The following COG5 variants were observed in gnomAD, a reference collection of about 807,000 sequenced individuals.
COG5 encodes conserved oligomeric Golgi complex subunit 5.
Under a neutral mutation model 110.4 loss-of-function variants are expected in COG5, and 86 were observed. The observed-to-expected ratio is 0.78, with a 90% CI of 0.65 to 0.93. The LOEUF (loss-of-function observed/expected upper bound fraction) is 0.93. Ranked by LOEUF, COG5 falls within the 40% of genes least tolerant of loss-of-function variation. The pLI, the probability that COG5 is intolerant of heterozygous loss-of-function variation, is 0.00. For synonymous variants in COG5, 360 were observed against 334.6 expected (o/e 1.08, Z -0.83); for missense variants, 1,077 against 987.0 (o/e 1.09, Z -1.22).
chr7:107,280,373 C>T (rs966731982), intron 14 of COG5, among the ~76,000 whole-genome samples: 5 of 152,034 alleles, frequency 3.3e-5, no homozygotes, highest in Admixed American at 3.3e-4. Context: ...TGACTGTTAC[C>T]TCCAAGGATC....
At chr7:107,352,830 A>T (rs537287919) in intron 10 of COG5, among the ~76,000 whole-genome samples, 34 of 152,324 alleles carry the variant, frequency 2.2e-4, no homozygotes, top group African/African-American at 7.9e-4. Context: ...TAATGATAAA[A>T]ACTTCTGGCT....
At chr7:107,383,491 T>C (rs1292465660) in intron 7 of COG5, among the ~76,000 whole-genome samples, 1 of 152,188 alleles carries the variant, frequency 6.6e-6, no homozygotes, top group Admixed American at 6.5e-5. Context: ...TTACTGACAG[T>C]AGGTGCTAGA....
intron 6 of COG5, among the ~76,000 whole-genome samples, chr7:107,523,140 G>C (rs1173033512): frequency 2.0e-5 from 3 of 152,148 alleles, no homozygotes; most frequent in African/African-American, 7.2e-5. Flanking sequence ...TCTTCCAACT[G>C]ATGAACAACA....
chr7:107,421,392 A>G (rs1245406798), intron 6 of COG5, among the ~76,000 whole-genome samples: 1 of 152,208 alleles, frequency 6.6e-6, no homozygotes, highest in African/African-American at 2.4e-5. Context: ...CCAAGCAAAA[A>G]CAATACAAAT....
intron 18 of COG5, among the ~76,000 whole-genome samples, chr7:107,233,630 C>T (rs988369440): frequency 1.3e-5 from 2 of 152,136 alleles, no homozygotes; most frequent in Non-Finnish European, 2.9e-5. Flanking sequence ...GTTATTTATG[C>T]TAGAATGGCA....
intron 7 of COG5, among the ~76,000 whole-genome samples, chr7:107,406,624 T>C (rs1285208286): frequency 6.6e-6 from 1 of 152,042 alleles, no homozygotes; most frequent in Non-Finnish European, 1.5e-5. Context: ...ACTTTAAATA[T>C]AAGAGAATTA....
chr7:107,211,009 G>T, intron 20 of COG5, 90 bp downstream of exon 20: 1 of 1,438,582 alleles, frequency 7.0e-7, no homozygotes, highest in Non-Finnish European at 9.7e-7. Flanking sequence ...GCAGCAGAGG[G>T]CCAGGAATCA....
chr7:107,209,834 C>A, intron 21 of COG5: 1 of 985,428 alleles, frequency 1.0e-6, no homozygotes, highest in Non-Finnish European at 1.2e-6. Context: ...AAGGAAATGG[C>A]GGTCAACTGT....
chr7:107,387,171 G>C (rs1436651628), intron 7 of COG5, among the ~76,000 whole-genome samples: 1 of 152,162 alleles, frequency 6.6e-6, no homozygotes, highest in Non-Finnish European at 1.5e-5. Context: ...AGAGCCCCAT[G>C]GTCAAGCAGA....
chr7:107,272,402 T>C (rs1804351629), intron 14 of COG5, among the ~76,000 whole-genome samples: 2 of 152,180 alleles, frequency 1.3e-5, no homozygotes, highest in Admixed American at 1.3e-4. Flanking sequence ...TTGATTGATG[T>C]CTCATGACTC....
At chr7:107,233,772 T>C (rs1800947929) in intron 18 of COG5, among the ~76,000 whole-genome samples, 1 of 152,170 alleles carries the variant, frequency 6.6e-6, no homozygotes, top group Non-Finnish European at 1.5e-5. Context: ...TGAAAAGCCC[T>C]CTAGTCCCCA....
intron 10 of COG5, among the ~76,000 whole-genome samples, chr7:107,327,049 T>G (rs949434500): frequency 1.3e-5 from 2 of 151,844 alleles, no homozygotes; most frequent in Non-Finnish European, 2.9e-5. Context: ...GAAAAAACCA[T>G]ATTACCAAGC....
At chr7:107,240,374 C>G (rs1204662043) in intron 17 of COG5, among the ~76,000 whole-genome samples, 2 of 152,110 alleles carry the variant, frequency 1.3e-5, no homozygotes, top group Non-Finnish European at 2.9e-5. Context: ...TGCCACCACC[C>G]CGGGCTAATT....
chr7:107,468,196 TCTG>T (rs1796416529), intron 6 of COG5, among the ~76,000 whole-genome samples: 1 of 152,222 alleles, frequency 6.6e-6, no homozygotes, highest in Non-Finnish European at 1.5e-5. Flanking sequence ...TAACATTGAC[TCTG>T]CTGCTAACTT....
chr7:107,295,066 C>CATATATATATATATAT (rs1186377118), intron 12 of COG5, among the ~76,000 whole-genome samples: 2 of 45,822 alleles, frequency 4.4e-5, no homozygotes, highest in African/African-American at 9.0e-5. Context: ...CACACACACA[C>CATATATATATATATAT]ATATATATAT....
chr7:107,223,799 G>A (rs1026750591), intron 19 of COG5, among the ~76,000 whole-genome samples: 2 of 152,180 alleles, frequency 1.3e-5, no homozygotes, highest in Non-Finnish European at 2.9e-5. Flanking sequence ...GTGACTCCCA[G>A]ATTCTCCCAC....
intron 7 of COG5, among the ~76,000 whole-genome samples, chr7:107,373,894 A>G (rs961498164): frequency 1.4e-4 from 21 of 152,272 alleles, no homozygotes; most frequent in African/African-American, 4.8e-4. Context: ...TCTGAAATCT[A>G]TTGGTGTTAT....
intron 6 of COG5, among the ~76,000 whole-genome samples, chr7:107,494,998 T>C (rs2520241): frequency 0.27 from 40,284 of 151,986 alleles, 5,483 homozygotes; most frequent in East Asian, 0.33. Flanking sequence ...TACATATGCG[T>C]GGCAGAGATC....
chr7:107,406,562 A>G (rs1791852939), intron 7 of COG5, among the ~76,000 whole-genome samples: 1 of 152,088 alleles, frequency 6.6e-6, no homozygotes, highest in Non-Finnish European at 1.5e-5. Flanking sequence ...AAGACAATAA[A>G]ATATCTAATA....
Sources: gnomAD v4.1 joint callset for allele counts (sites outside exome capture counted in the v4.1 genomes callset) on GRCh38, gnomAD v4.1.1 for gene constraint, MANE v1.5 for transcripts, NCBI Gene and HGNC (gene_info 2026-07-23, HGNC 2026-07-21) for gene names.